The following EPHB2 variants were observed in gnomAD, a reference collection of about 807,000 sequenced individuals.
The protein encoded by EPHB2 is EPH receptor B2.
EPHB2 carries 18 observed loss-of-function variants against 96.4 expected under a neutral mutation model. That is an observed-to-expected ratio of 0.19 (90% CI 0.13 to 0.28). The LOEUF (loss-of-function observed/expected upper bound fraction) is 0.28, where lower values mean the gene tolerates loss of function less well. EPHB2 is among the 10% of genes least tolerant of loss of function. EPHB2 has a pLI of 1.00. For missense variants in EPHB2, 989 were observed against 1,355.4 expected (o/e 0.73, Z 4.25); for synonymous variants, 506 against 534.1 (o/e 0.95, Z 0.72).
chr1:22,889,341 G>A (rs1639321972), intron 6 of EPHB2, among the ~76,000 whole-genome samples: 1 of 152,114 alleles, frequency 6.6e-6, no homozygotes, highest in Admixed American at 6.5e-5. Context: ...TCTCTAAGTG[G>A]GCACCCACCC....
chr1:22,859,302 G>A (rs893689612), intron 3 of EPHB2, among the ~76,000 whole-genome samples: 33 of 150,868 alleles, frequency 2.2e-4, no homozygotes, highest in Non-Finnish European at 4.0e-4. Context: ...CCTGGTGGGG[G>A]GGGGGGTATT....
intron 9 of EPHB2, 56 bp from the exon 10 acceptor site, chr1:22,905,931 C>CT: frequency 6.2e-7 from 1 of 1,613,578 alleles, no homozygotes; most frequent in Non-Finnish European, 8.5e-7. Flanking sequence ...CCCGCTTTTC[C>CT]TTTTTGTGTG....
chr1:22,914,109 C>T lies in EPHB2; in HGVS notation c.*539C>T, dbSNP rs954562860. On this transcript the variant is annotated 3_prime_UTR_variant, in exon 16 of 16. Coordinates refer to ENST00000374630, the MANE Select transcript of EPHB2 (RefSeq NM_017449.5). ...ACAGACAGCCACCCTGAGAACCCCT[C>T]TGGGAAAATCTATTCCTGCCACCAC... 3 of 507,246 alleles carry T rather than the reference C, an allele frequency of 5.9e-6. No homozygotes were observed. The highest frequency in any genetic ancestry group is 1.9e-5 in the African/African-American group (1 of 51,688). The allele number at this position is 507,246 out of a possible 1,614,324, so 31.4% of individuals were successfully genotyped here.
chr1:22,807,138 C>T (rs1169199410), intron 3 of EPHB2, among the ~76,000 whole-genome samples: 2 of 152,216 alleles, frequency 1.3e-5, no homozygotes, highest in African/African-American at 2.4e-5. Flanking sequence ...TCCCCTTCTC[C>T]CCTTCTGTCT....
chr1:22,853,093 G>A (rs1645647263), intron 3 of EPHB2, among the ~76,000 whole-genome samples: 1 of 152,254 alleles, frequency 6.6e-6, no homozygotes, highest in South Asian at 2.1e-4. Context: ...GCTCATGCCT[G>A]TAATCCCAGC....
intron 3 of EPHB2, among the ~76,000 whole-genome samples, chr1:22,791,845 G>A (rs749587258): frequency 3.4e-4 from 51 of 152,222 alleles, no homozygotes; most frequent in Non-Finnish European, 5.7e-4. Context: ...TGATATTTGC[G>A]TAGGATACAT....
chr1:22,773,216 C>T (rs1334002424), intron 1 of EPHB2, among the ~76,000 whole-genome samples: 1 of 152,224 alleles, frequency 6.6e-6, no homozygotes, highest in African/African-American at 2.4e-5. Flanking sequence ...AACAGAGGCT[C>T]AGAGAGGAGA....
chr1:22,861,392 C>T (rs112339881), intron 3 of EPHB2, among the ~76,000 whole-genome samples: 2,127 of 152,246 alleles, frequency 0.014, 51 homozygotes, highest in African/African-American at 0.049. Flanking sequence ...AATCCCAGCA[C>T]TCTGGGAGGC....
intron 3 of EPHB2, among the ~76,000 whole-genome samples, chr1:22,851,052 T>C (rs1570384846): frequency 6.6e-6 from 1 of 152,192 alleles, no homozygotes; most frequent in East Asian, 1.9e-4. Flanking sequence ...TGGAGTGCAG[T>C]GGTGGGCTCT....
Position 22,790,876 on chromosome 1 carries a change from G to T in EPHB2, c.811+5800G>T, listed in dbSNP as rs1644681728. On this transcript the variant is annotated intron_variant, in intron 3 of 15. Coordinates refer to ENST00000374630, the MANE Select transcript of EPHB2 (RefSeq NM_017449.5). This position sits in a 1 kb window ranked among gnomAD's most constrained non-coding sequence, Gnocchi z 4.0. ...AGCTCAGACTCCCCAGTTCCCAGCT[G>T]CTGGGTTTCTCCTCCCAGCCTCTCC... 6.6e-6 allele frequency among the ~76,000 whole-genome samples: 1 copy of T among 152,220 alleles called. No individual in the cohort carries two copies. The highest frequency in any genetic ancestry group is 2.4e-5 in the African/African-American group (1 of 41,454).
chr1:22,819,241 C>CTCTCTCTCTG (rs1645118283), intron 3 of EPHB2, among the ~76,000 whole-genome samples: 1 of 150,214 alleles, frequency 6.7e-6, no homozygotes, highest in Admixed American at 6.6e-5. Context: ...CTCTCTCTCT[C>CTCTCTCTCTG]TCTCTCTCTG....
chr1:22,778,656 G>A (rs996610649), intron 1 of EPHB2, among the ~76,000 whole-genome samples: 5 of 152,178 alleles, frequency 3.3e-5, no homozygotes, highest in East Asian at 1.9e-4. Flanking sequence ...TGTCCTTTGC[G>A]TTCCCTTTGT....
chr1:22,769,552 C>T (rs1644350718), intron 1 of EPHB2, among the ~76,000 whole-genome samples: 1 of 152,128 alleles, frequency 6.6e-6, no homozygotes, highest in South Asian at 2.1e-4. Flanking sequence ...GGATTACAGA[C>T]ATGCACCACC....
chr1:22,838,543 A>G (rs565389999), intron 3 of EPHB2, among the ~76,000 whole-genome samples: 2 of 152,180 alleles, frequency 1.3e-5, no homozygotes, highest in African/African-American at 2.4e-5. Flanking sequence ...TATTCATCCA[A>G]CCAGCATTTA....
chr1:22,751,059 A>G (rs944631147), intron 1 of EPHB2, among the ~76,000 whole-genome samples: 1 of 152,196 alleles, frequency 6.6e-6, no homozygotes, highest in African/African-American at 2.4e-5. Flanking sequence ...AGGTGAGCCA[A>G]TTTAAAAGTA....
chr1:22,877,376 G>C, intron 5 of EPHB2, among the ~76,000 whole-genome samples: 1 of 152,318 alleles, frequency 6.6e-6, no homozygotes, highest in Middle Eastern at 3.4e-3. Context: ...TGTTAGCTGC[G>C]CGGCCTTTCC....
intron 2 of EPHB2, among the ~76,000 whole-genome samples, chr1:22,782,732 CG>C (rs1644553155): frequency 6.6e-6 from 1 of 151,808 alleles, no homozygotes; most frequent in Non-Finnish European, 1.5e-5. Context: ...AGAAGAGCAG[CG>C]GTTGTAACAA....
chr1:22,746,181 C>G (rs761057965), intron 1 of EPHB2, among the ~76,000 whole-genome samples: 8 of 152,200 alleles, frequency 5.3e-5, no homozygotes, highest in Admixed American at 1.3e-4. Flanking sequence ...GGCAACAGAT[C>G]AGACAGTCAT....
At chr1:22,812,910 G>A (rs761518310) in intron 3 of EPHB2, among the ~76,000 whole-genome samples, 16 of 152,156 alleles carry the variant, frequency 1.1e-4, no homozygotes, top group Non-Finnish European at 1.6e-4. Flanking sequence ...AGGGATGAGT[G>A]AATGACTACA....
Sources: gnomAD v4.1 joint callset for allele counts (sites outside exome capture counted in the v4.1 genomes callset) on GRCh38, gnomAD v4.1.1 for gene constraint, Gnocchi (gnomAD v3.1) non-coding constraint, MANE v1.5 for transcripts, NCBI Gene and HGNC (gene_info 2026-07-23, HGNC 2026-07-21) for gene names.